Variants in EPHB1 observed in about 807,000 individuals in gnomAD.
EPHB1 encodes EPH receptor B1, also known as ephrin type-B receptor 1.
EPHB1 carries 30 observed loss-of-function variants against 94.4 expected under a neutral mutation model. That is an observed-to-expected ratio of 0.32 (90% CI 0.24 to 0.43). The LOEUF (loss-of-function observed/expected upper bound fraction) is 0.43, where lower values mean the gene tolerates loss of function less well. Among genes scored for constraint, EPHB1 ranks in the 20% least tolerant of loss-of-function variants. The pLI is 1.00. For missense variants in EPHB1, 1,055 were observed against 1,308.3 expected (o/e 0.81, Z 2.99); for synonymous variants, 522 against 489.1 (o/e 1.07, Z -0.89).
intron 1 of EPHB1, among the ~76,000 whole-genome samples, chr3:134,918,316 G>A (rs2038613049): frequency 1.3e-5 from 2 of 152,236 alleles, no homozygotes; most frequent in South Asian, 4.1e-4. Context: ...GCTTCATTTA[G>A]GGAACTGAAG....
chr3:134,838,284 T>G (rs2036714038), intron 1 of EPHB1, among the ~76,000 whole-genome samples: 1 of 152,196 alleles, frequency 6.6e-6, no homozygotes, highest in Admixed American at 6.5e-5. Context: ...ATTTAATCTG[T>G]CATCCTCTTC....
chr3:134,798,871 A>G (rs935599311), intron 1 of EPHB1, among the ~76,000 whole-genome samples: 12 of 152,152 alleles, frequency 7.9e-5, no homozygotes, highest in African/African-American at 2.9e-4. Context: ...TGCTCATAGC[A>G]TTCTCCCAAC....
At chr3:135,166,384 T>C (rs898106116) in intron 8 of EPHB1, among the ~76,000 whole-genome samples, 2 of 152,228 alleles carry the variant, frequency 1.3e-5, no homozygotes, top group Non-Finnish European at 2.9e-5. Flanking sequence ...TTTGACTCAC[T>C]GGAGCATCCA....
chr3:135,009,681 G>A (rs549989910), intron 3 of EPHB1, among the ~76,000 whole-genome samples: 98 of 152,354 alleles, frequency 6.4e-4, no homozygotes, highest in Non-Finnish European at 1.0e-3. Flanking sequence ...TGCAGAAGCA[G>A]TGTTTAGTGA....
chr3:135,128,670 C>A (rs1940303199), intron 4 of EPHB1, among the ~76,000 whole-genome samples: 1 of 152,014 alleles, frequency 6.6e-6, no homozygotes, highest in Admixed American at 6.5e-5. Context: ...TCATTTATTT[C>A]TCTGTTTCCT....
intron 1 of EPHB1, among the ~76,000 whole-genome samples, chr3:134,913,927 G>T (rs2038510553): frequency 6.6e-6 from 1 of 152,204 alleles, no homozygotes. Context: ...AGACCCAGTT[G>T]GGGCCACACA....
chr3:135,153,304 C>A lies in EPHB1; in HGVS notation c.1298-848C>A, dbSNP rs144482775. ...CCCCTGAGCAGAGCACAGATTGAAG[C>A]CTCATCCATTACCCACCTCTTCCCC... On this transcript the variant is annotated intron_variant, in intron 5 of 15. Transcript: ENST00000398015. Among the ~76,000 whole-genome samples, 579 of 152,298 alleles carry A rather than the reference C, an allele frequency of 3.8e-3. 3 individuals are homozygous for A. Among genetic ancestry groups the A allele is most frequent in the African/African-American group, 0.013 (538 of 41,554 alleles).
intron 6 of EPHB1, among the ~76,000 whole-genome samples, chr3:135,155,170 T>C (rs928237072): frequency 6.6e-6 from 1 of 152,064 alleles, no homozygotes; most frequent in African/African-American, 2.4e-5. Flanking sequence ...TATAGTGTGT[T>C]AGAAAATCAA....
intron 1 of EPHB1, among the ~76,000 whole-genome samples, chr3:134,924,794 G>T (rs138393639): frequency 1.2e-3 from 182 of 152,268 alleles, no homozygotes; most frequent in East Asian, 9.5e-3. Flanking sequence ...AGAGAAGCAA[G>T]ATTTTTTAAA....
At chr3:134,892,211 A>G (rs2037998193) in intron 1 of EPHB1, among the ~76,000 whole-genome samples, 1 of 152,240 alleles carries the variant, frequency 6.6e-6, no homozygotes, top group Non-Finnish European at 1.5e-5. Context: ...CTTGGAGCCT[A>G]TTTATTGCTT....
rs188667290 is a variant in EPHB1, at chr3:134,993,164, G to A, written c.805+41112G>A. Among the ~76,000 whole-genome samples, 31 of 152,322 alleles carry A rather than the reference G, an allele frequency of 2.0e-4. No individual in the cohort carries two copies. The East Asian group carries it at 5.8e-3, about 29-fold the overall frequency. ...GTTGCTAGTCTGCAGTTCTTGCTCT[G>A]TCTGTTTCTAAGCCAAAACAGCACA... On this transcript the variant is annotated intron_variant, in intron 3 of 15. Transcript: ENST00000398015.
At chr3:134,832,061 A>G (rs1384615896) in intron 1 of EPHB1, among the ~76,000 whole-genome samples, 1 of 152,256 alleles carries the variant, frequency 6.6e-6, no homozygotes, top group East Asian at 1.9e-4. Flanking sequence ...CAAGTAAGCA[A>G]TAGATACTTT....
chr3:134,960,601 G>A (rs920922750), intron 3 of EPHB1, among the ~76,000 whole-genome samples: 5 of 152,166 alleles, frequency 3.3e-5, no homozygotes, highest in African/African-American at 1.2e-4. Flanking sequence ...GCTGCAGGAT[G>A]AGTCTGTGAA....
chr3:134,888,438 G>A (rs1210827890), intron 1 of EPHB1, among the ~76,000 whole-genome samples: 1 of 152,158 alleles, frequency 6.6e-6, no homozygotes, highest in Non-Finnish European at 1.5e-5. Flanking sequence ...GGCCGGGTGT[G>A]GTGGCTCACG....
chr3:134,849,158 A>G (rs2036928869), intron 1 of EPHB1, among the ~76,000 whole-genome samples: 2 of 152,226 alleles, frequency 1.3e-5, no homozygotes, highest in South Asian at 2.1e-4. Context: ...GCCCTTAACC[A>G]GTGGTTCTCA....
intron 3 of EPHB1, among the ~76,000 whole-genome samples, chr3:135,001,873 T>G (rs1935197375): frequency 6.6e-6 from 1 of 152,226 alleles, no homozygotes; most frequent in Admixed American, 6.5e-5. Flanking sequence ...ACTAGTCTCC[T>G]ATTAATAGTT....
At chr3:134,892,485 C>T (rs1184954065) in intron 1 of EPHB1, among the ~76,000 whole-genome samples, 3 of 152,176 alleles carry the variant, frequency 2.0e-5, no homozygotes, top group African/African-American at 4.8e-5. Context: ...ACTCTATTTG[C>T]GTGAGAAAAG....
chr3:135,220,548 A>G (rs554986097), intron 12 of EPHB1, among the ~76,000 whole-genome samples: 1 of 151,472 alleles, frequency 6.6e-6, no homozygotes, highest in Admixed American at 6.6e-5. Flanking sequence ...TGTGAGTGCA[A>G]GGTGCTCGCC....
chr3:134,829,365 C>T (rs1252575239), intron 1 of EPHB1, among the ~76,000 whole-genome samples: 2 of 152,094 alleles, frequency 1.3e-5, no homozygotes, highest in East Asian at 3.9e-4. Flanking sequence ...GTGGAGGACT[C>T]TCTTTGTCCT....
Sources: gnomAD v4.1 joint callset for allele counts (sites outside exome capture counted in the v4.1 genomes callset) on GRCh38, gnomAD v4.1.1 for gene constraint, MANE v1.5 for transcripts, NCBI Gene and HGNC (gene_info 2026-07-23, HGNC 2026-07-21) for gene names.